The following GULP1 variants were observed in gnomAD, a reference collection of about 807,000 sequenced individuals.
GULP1 encodes the protein GULP PTB domain containing engulfment adaptor 1, also known as PTB domain-containing engulfment adapter protein 1.
In GULP1, 19 loss-of-function variants were observed where a neutral mutation model predicts 40.9. The ratio of observed to expected loss-of-function variants is 0.46; its 90% CI spans 0.32 to 0.68. The LOEUF is 0.68. GULP1 is among the 30% of genes least tolerant of loss of function. The pLI is 0.03. For synonymous variants in GULP1, 119 were observed against 117.6 expected (o/e 1.01, Z -0.08); for missense variants, 312 against 362.2 (o/e 0.86, Z 1.12).
chr2:188,582,253 C>A, intron 9 of GULP1: 2 of 401,674 alleles, frequency 5.0e-6, no homozygotes, highest in Non-Finnish European at 5.1e-6. Flanking sequence ...AACAAAACAC[C>A]ATTTTACAAA....
chr2:188,422,212 A>T (rs1483136598), intron 2 of GULP1, among the ~76,000 whole-genome samples: 1 of 150,922 alleles, frequency 6.6e-6, no homozygotes, highest in Non-Finnish European at 1.5e-5. Flanking sequence ...AATTCTCCTA[A>T]TTTTTTTCAG....
intron 2 of GULP1, among the ~76,000 whole-genome samples, chr2:188,394,918 G>T (rs1301865356): frequency 6.6e-6 from 1 of 152,166 alleles, no homozygotes; most frequent in Non-Finnish European, 1.5e-5. Context: ...AATGGCAAAG[G>T]CCTCTTGAAG....
intron 9 of GULP1, among the ~76,000 whole-genome samples, chr2:188,571,995 T>C (rs1427445935): frequency 6.6e-6 from 1 of 152,202 alleles, no homozygotes; most frequent in Non-Finnish European, 1.5e-5. Flanking sequence ...CAAAGAGGTT[T>C]CAAACATATT....
intron 6 of GULP1, among the ~76,000 whole-genome samples, chr2:188,540,942 A>G (rs12475894): frequency 0.89 from 135,104 of 152,126 alleles, 61,289 homozygotes; most frequent in South Asian, 0.99. Flanking sequence ...ATCATTTTGT[A>G]CTATGCTTAT....
intron 2 of GULP1, among the ~76,000 whole-genome samples, chr2:188,397,530 A>G (rs2051461533): frequency 1.3e-5 from 2 of 152,368 alleles, no homozygotes; most frequent in African/African-American, 2.4e-5. Flanking sequence ...AAGATACTTC[A>G]TAAATGTTGC....
At chr2:188,328,109 T>C (rs530578951) in intron 1 of GULP1, among the ~76,000 whole-genome samples, 1 of 152,198 alleles carries the variant, frequency 6.6e-6, no homozygotes, top group Non-Finnish European at 1.5e-5. Flanking sequence ...TGATCTAGAA[T>C]TGGAGAGCAA....
At position 188,296,613 on chromosome 2, in the gene GULP1, A is replaced by G. The variant is rs1213586696; in HGVS notation, c.-172+4447A>G. 3.9e-5 allele frequency among the ~76,000 whole-genome samples: 6 copies of G among 152,126 alleles called. No homozygotes were observed. The East Asian group carries it at 9.6e-4, about 24-fold the overall frequency. On this transcript the variant is annotated intron_variant, in intron 1 of 11. Coordinates refer to ENST00000409830, the MANE Select transcript of GULP1 (RefSeq NM_016315.4). Reference sequence around the variant, plus strand: ...GAAAAGGCTGCCCTAATTTGCACACATAATATGAATAAGTAAGTTAACTTA... The same window carrying G: ...GAAAAGGCTGCCCTAATTTGCACACGTAATATGAATAAGTAAGTTAACTTA...
chr2:188,368,034 A>C (rs531250518), intron 1 of GULP1, among the ~76,000 whole-genome samples: 45 of 151,792 alleles, frequency 3.0e-4, no homozygotes, highest in South Asian at 1.7e-3. Flanking sequence ...TCTGCTTTCT[A>C]TCCCTTCCTC....
At chr2:188,483,790 A>T (rs2061624808) in intron 4 of GULP1, among the ~76,000 whole-genome samples, 1 of 152,198 alleles carries the variant, frequency 6.6e-6, no homozygotes, top group Non-Finnish European at 1.5e-5. Context: ...ACCACTAACA[A>T]ATTAGCTTTC....
intron 2 of GULP1, among the ~76,000 whole-genome samples, chr2:188,390,224 T>C (rs1381234065): frequency 6.6e-6 from 1 of 152,192 alleles, no homozygotes; most frequent in Non-Finnish European, 1.5e-5. Flanking sequence ...ATTGTACTGA[T>C]TTACATTCCC....
chr2:188,338,780 T>A (rs887292500), intron 1 of GULP1, among the ~76,000 whole-genome samples: 2 of 152,226 alleles, frequency 1.3e-5, no homozygotes, highest in African/African-American at 4.8e-5. Context: ...CACTCCCATC[T>A]GTCCAGTACT....
chr2:188,394,031 A>G (rs2050882811), intron 2 of GULP1, among the ~76,000 whole-genome samples: 1 of 152,154 alleles, frequency 6.6e-6, no homozygotes, highest in African/African-American at 2.4e-5. Context: ...TAAATCTCCC[A>G]GGAGTTCTTT....
intron 1 of GULP1, among the ~76,000 whole-genome samples, chr2:188,346,565 T>G (rs1402066268): frequency 6.6e-6 from 1 of 151,440 alleles, no homozygotes; most frequent in Admixed American, 6.6e-5. Flanking sequence ...CGATCTCGGG[T>G]CACTACAAGC....
intron 7 of GULP1, among the ~76,000 whole-genome samples, chr2:188,549,359 T>C (rs1036943540): frequency 6.6e-6 from 1 of 151,836 alleles, no homozygotes; most frequent in African/African-American, 2.4e-5. Context: ...TGCATTTCAT[T>C]GAAGAGGATA....
intron 4 of GULP1, among the ~76,000 whole-genome samples, chr2:188,502,449 A>G (rs2063521736): frequency 6.6e-6 from 1 of 151,892 alleles, no homozygotes; most frequent in Non-Finnish European, 1.5e-5. Context: ...TTTTCCCTCT[A>G]AAGTAATGTC....
intron 4 of GULP1, among the ~76,000 whole-genome samples, chr2:188,485,015 A>G (rs781420713): frequency 6.6e-6 from 1 of 152,120 alleles, no homozygotes; most frequent in African/African-American, 2.4e-5. Flanking sequence ...TGTATTAGCT[A>G]TTGGTATACT....
chr2:188,413,050 A>G (rs1157016338), intron 2 of GULP1, among the ~76,000 whole-genome samples: 1 of 152,182 alleles, frequency 6.6e-6, no homozygotes, highest in African/African-American at 2.4e-5. Context: ...CAGCAATGTA[A>G]CACTGGAGAC....
chr2:188,350,422 A>C (rs1398551813), intron 1 of GULP1, among the ~76,000 whole-genome samples: 1 of 151,908 alleles, frequency 6.6e-6, no homozygotes, highest in African/African-American at 2.4e-5. Context: ...TGTTACATTT[A>C]TTTTATGTAG....
chr2:188,353,882 G>T (rs1402287097), intron 1 of GULP1, among the ~76,000 whole-genome samples: 2 of 151,866 alleles, frequency 1.3e-5, no homozygotes, highest in Admixed American at 1.3e-4. Context: ...GCCTCCCAGG[G>T]AACTGGTGCC....
Sources: gnomAD v4.1 joint callset for allele counts (sites outside exome capture counted in the v4.1 genomes callset) on GRCh38, gnomAD v4.1.1 for gene constraint, MANE v1.5 for transcripts, NCBI Gene and HGNC (gene_info 2026-07-23, HGNC 2026-07-21) for gene names.